CALN1: variants seen among roughly 807,000 people sequenced by gnomAD.
CALN1 encodes calcium-binding protein 8.
Under a neutral mutation model 30.6 loss-of-function variants are expected in CALN1, and 17 were observed. That is an observed-to-expected ratio of 0.56 (90% CI 0.38 to 0.83). The LOEUF is 0.83. CALN1 is among the 40% of genes least tolerant of loss of function. CALN1 has a pLI of 0.00. For synonymous variants in CALN1, 156 were observed against 131.4 expected (o/e 1.19, Z -1.28); for missense variants, 291 against 354.9 (o/e 0.82, Z 1.45).
intron 2 of CALN1, among the ~76,000 whole-genome samples, chr7:72,324,119 G>A (rs1055419547): frequency 9.9e-5 from 15 of 152,008 alleles, no homozygotes; most frequent in African/African-American, 3.4e-4. Context: ...GCCCTGGTTC[G>A]CAAAGTTGGC....
intron 3 of CALN1, among the ~76,000 whole-genome samples, chr7:72,162,850 T>TA (rs1486317913): frequency 6.6e-6 from 1 of 152,218 alleles, no homozygotes; most frequent in African/African-American, 2.4e-5. Context: ...AAGGATAACT[T>TA]AAAGTCTTAA....
intron 3 of CALN1, among the ~76,000 whole-genome samples, chr7:72,161,726 G>A (rs148350605): frequency 8.9e-4 from 135 of 152,102 alleles, no homozygotes; most frequent in African/African-American, 2.7e-3. Context: ...TGAGAAGACA[G>A]GGACACAGGG....
chr7:72,491,240 AC>A, the CALN1 span, among the ~76,000 whole-genome samples: 13 of 147,994 alleles, frequency 8.8e-5, no homozygotes, highest in East Asian at 2.0e-4. Context: ...AAAAAAAAAA[AC>A]AAAAACAAAA....
At chr7:72,111,811 C>T (rs1807596226) in intron 3 of CALN1, among the ~76,000 whole-genome samples, 1 of 151,730 alleles carries the variant, frequency 6.6e-6, no homozygotes. Context: ...AGTGCAGTGG[C>T]ATGAGCTCAG....
At chr7:72,306,833 C>A (rs1002985852) in intron 2 of CALN1, among the ~76,000 whole-genome samples, 2 of 152,112 alleles carry the variant, frequency 1.3e-5, no homozygotes, top group African/African-American at 2.4e-5. Context: ...GTTCTCAGGA[C>A]CTCTTGAGGG....
chr7:72,488,823 G>A, the CALN1 span, among the ~76,000 whole-genome samples: 1 of 152,080 alleles, frequency 6.6e-6, no homozygotes, highest in Admixed American at 6.6e-5. Flanking sequence ...AGCTAGGACT[G>A]TAGGCACATA....
intron 5 of CALN1, among the ~76,000 whole-genome samples, chr7:71,887,536 T>C (rs1489500342): frequency 1.3e-5 from 2 of 152,146 alleles, no homozygotes; most frequent in East Asian, 3.9e-4. Flanking sequence ...CCACTTCAGG[T>C]GATCCACCCG....
intron 3 of CALN1, among the ~76,000 whole-genome samples, chr7:72,276,330 G>T (rs1797330618): frequency 6.6e-6 from 1 of 152,148 alleles, no homozygotes; most frequent in African/African-American, 2.4e-5. Context: ...GGAAAAGCCT[G>T]GGCCTCACTT....
chr7:72,035,865 G>A lies in CALN1; in HGVS notation c.389-12096C>T, dbSNP rs1019100287. ...TCTTAAATTATGTAGAAAACAAAAT[G>A]TAGAGTTACAAACCAATGTTACAAT... On this transcript the variant is annotated intron_variant, in intron 4 of 6. Coordinates refer to ENST00000395275, the MANE Select transcript of CALN1 (RefSeq NM_031468.4). 2.0e-5 allele frequency among the ~76,000 whole-genome samples: 3 copies of A among 152,292 alleles called. No individual in the cohort carries two copies. In the South Asian group the frequency reaches 6.2e-4, roughly 32 times the overall value.
At position 72,242,487 on chromosome 7, in the gene CALN1, G is replaced by A. The variant is rs534663412; in HGVS notation, c.244+36199C>T. Among the ~76,000 whole-genome samples, 4 of 152,210 alleles carry A rather than the reference G, an allele frequency of 2.6e-5. 1 individual carries two copies. The highest frequency in any genetic ancestry group is 1.3e-4 in the Admixed American group (2 of 15,280). On this transcript the variant is annotated intron_variant, in intron 3 of 6. Transcript: ENST00000395275. ...TTGGGAAAATAAAATCCACTCTAGT[G>A]GAGGATCTGGAAATGTCAGGTTTTT... is the stretch of plus-strand genomic sequence containing the variant.
chr7:71,982,332 C>T (rs561160830), intron 5 of CALN1, among the ~76,000 whole-genome samples: 1 of 152,168 alleles, frequency 6.6e-6, no homozygotes, highest in Non-Finnish European at 1.5e-5. Flanking sequence ...CAGTGGCTTA[C>T]GCCTGTAATC....
chr7:72,027,216 G>A (rs1801121016), intron 4 of CALN1, among the ~76,000 whole-genome samples: 1 of 152,126 alleles, frequency 6.6e-6, no homozygotes, highest in Non-Finnish European at 1.5e-5. Context: ...TTCTTGGGAG[G>A]TGCTTATTTA....
At chr7:72,289,511 TG>T (rs1798327649) in intron 2 of CALN1, among the ~76,000 whole-genome samples, 2 of 152,330 alleles carry the variant, frequency 1.3e-5, no homozygotes, top group South Asian at 4.1e-4. Context: ...GAAACACTCT[TG>T]ATGTGTAGCA....
intron 1 of CALN1, among the ~76,000 whole-genome samples, chr7:72,405,614 C>T (rs970854138): frequency 1.3e-5 from 2 of 152,144 alleles, no homozygotes; most frequent in South Asian, 2.1e-4. Flanking sequence ...ACTACAACGC[C>T]CACTTCCCCA....
intron 5 of CALN1, among the ~76,000 whole-genome samples, chr7:71,986,234 G>A (rs1466159664): frequency 1.3e-5 from 2 of 152,006 alleles, no homozygotes; most frequent in East Asian, 3.9e-4. Context: ...TTTTAGTAGA[G>A]ATGGGGTTTC....
chr7:72,151,394 C>G (rs1041478409), intron 3 of CALN1, among the ~76,000 whole-genome samples: 9 of 152,140 alleles, frequency 5.9e-5, no homozygotes, highest in African/African-American at 2.2e-4. Flanking sequence ...TAGTATTAGA[C>G]TAGAGCCATC....
intron 2 of CALN1, among the ~76,000 whole-genome samples, chr7:72,283,412 G>A (rs879525965): frequency 1.3e-5 from 2 of 152,094 alleles, no homozygotes; most frequent in Non-Finnish European, 2.9e-5. Flanking sequence ...GCACACACAT[G>A]TAGTCATAGC....
chr7:71,926,929 G>A (rs370577494), intron 5 of CALN1, among the ~76,000 whole-genome samples: 6 of 152,034 alleles, frequency 3.9e-5, no homozygotes, highest in South Asian at 2.1e-4. Flanking sequence ...TATATTAATC[G>A]TAGGTATTTT....
At chr7:71,970,612 C>G (rs550207164) in intron 5 of CALN1, among the ~76,000 whole-genome samples, 50 of 151,460 alleles carry the variant, frequency 3.3e-4, no homozygotes, top group Non-Finnish European at 6.3e-4. Context: ...GCCAGCTACC[C>G]TTTTATGCCC....
Sources: gnomAD v4.1 joint callset for allele counts (sites outside exome capture counted in the v4.1 genomes callset) on GRCh38, gnomAD v4.1.1 for gene constraint, MANE v1.5 for transcripts, NCBI Gene and HGNC (gene_info 2026-07-23, HGNC 2026-07-21) for gene names.